Variants in SLC38A4 observed in about 807,000 individuals in gnomAD.
SLC38A4 encodes sodium-coupled neutral amino acid transporter 4.
SLC38A4 carries 20 observed loss-of-function variants against 63.1 expected under a neutral mutation model. The ratio of observed to expected loss-of-function variants is 0.32; its 90% CI spans 0.22 to 0.46. SLC38A4 has a LOEUF of 0.46. SLC38A4 is among the 20% of genes least tolerant of loss of function. The pLI, the probability that SLC38A4 is intolerant of heterozygous loss-of-function variation, is 1.00. For missense variants in SLC38A4, 526 were observed against 663.6 expected (o/e 0.79, Z 2.28); for synonymous variants, 230 against 225.5 (o/e 1.02, Z -0.18).
intron 1 of SLC38A4, among the ~76,000 whole-genome samples, chr12:46,805,600 C>T (rs1204227511): frequency 6.6e-6 from 1 of 152,034 alleles, no homozygotes; most frequent in East Asian, 1.9e-4. Context: ...AATCATACCA[C>T]AATGTAATCT....
Position 46,778,294 on chromosome 12 carries a change from A to C in SLC38A4, c.1068T>G (p.Leu356=). The change falls in exon 12 of 17, where the codon CTT becomes CTG. Residue 356 remains leucine, a synonymous_variant. Coordinates refer to ENST00000266579, the MANE Select transcript of SLC38A4 (RefSeq NM_018018.5). ...TAAAATGATGGCTGCCTTACTCTTT[A>C]AGTTCACTGTAGATGGGAAGGACCT... ...HPEVLPIYSE[L]KDRSRRKMQT... The C allele has an allele frequency of 6.2e-7, 1 of 1,612,360 alleles. No homozygotes were observed. The highest frequency in any genetic ancestry group is 8.5e-7 in the Non-Finnish European group (1 of 1,178,888).
intron 5 of SLC38A4, among the ~76,000 whole-genome samples, chr12:46,785,890 T>C (rs868498933): frequency 1.3e-5 from 2 of 151,910 alleles, no homozygotes; most frequent in South Asian, 4.2e-4. Context: ...TAGAAGCATC[T>C]ACGTAATAAA....
chr12:46,807,150 A>G (rs1368825498), intron 1 of SLC38A4, among the ~76,000 whole-genome samples: 1 of 152,060 alleles, frequency 6.6e-6, no homozygotes, highest in Non-Finnish European at 1.5e-5. Context: ...AAATTGGAAG[A>G]AGACATTTAG....
chr12:46,782,083 A>T (rs12307687), intron 7 of SLC38A4, among the ~76,000 whole-genome samples: 13,312 of 151,932 alleles, frequency 0.088, 1,541 homozygotes, highest in African/African-American at 0.25. Context: ...ACATATAAAA[A>T]TTTTTTTAAC....
chr12:46,768,054 G>T (rs1370975909), intron 16 of SLC38A4, among the ~76,000 whole-genome samples: 1 of 152,110 alleles, frequency 6.6e-6, no homozygotes, highest in South Asian at 2.1e-4. Flanking sequence ...TTTGCCTGAA[G>T]CATATGTGTC....
At chr12:46,793,883 A>T (rs1938946357) in intron 2 of SLC38A4, among the ~76,000 whole-genome samples, 1 of 152,142 alleles carries the variant, frequency 6.6e-6, no homozygotes, top group African/African-American at 2.4e-5. Flanking sequence ...AATTCATTGG[A>T]TCTCAGCAGA....
Position 46,764,924 on chromosome 12 carries a change from C to T in SLC38A4, c.*1777G>A, listed in dbSNP as rs1938265604. ...TCAGCACAAGCTATCATATGTATGTCTGCCCTGCAGTATATATGAATTTTA... is the reference window on the plus strand; with the variant it reads ...TCAGCACAAGCTATCATATGTATGTTTGCCCTGCAGTATATATGAATTTTA... On this transcript the variant is annotated 3_prime_UTR_variant, in exon 17 of 17. Coordinates refer to ENST00000266579, the MANE Select transcript of SLC38A4 (RefSeq NM_018018.5). 1 of 152,578 alleles carries T rather than the reference C, an allele frequency of 6.6e-6. No homozygotes were observed. Among genetic ancestry groups the T allele is most frequent in the South Asian group, 2.1e-4 (1 of 4,830 alleles). 9.5% of individuals were successfully genotyped at this position (152,578 alleles called of 1,614,324 possible). A position where few individuals can be genotyped will look rare whatever the true frequency, so the allele number is the denominator to read the frequency against.
chr12:46,830,296 T>TCACACACACA (rs1383380116), upstream of SLC38A4, among the ~76,000 whole-genome samples: 10 of 118,970 alleles, frequency 8.4e-5, no homozygotes, highest in Non-Finnish European at 1.3e-4. Flanking sequence ...TCTCTCTCTC[T>TCACACACACA]CTCACACACA....
intron 1 of SLC38A4, among the ~76,000 whole-genome samples, chr12:46,825,341 T>C (rs1939627548): frequency 7.2e-6 from 1 of 138,382 alleles, no homozygotes; most frequent in African/African-American, 3.1e-5. Context: ...TCCTTACAGA[T>C]GCCTCTGTAC....
chr12:46,799,515 T>G (rs1328860097), intron 2 of SLC38A4, among the ~76,000 whole-genome samples: 1 of 151,900 alleles, frequency 6.6e-6, no homozygotes, highest in African/African-American at 2.4e-5. Flanking sequence ...GGAGAATGGT[T>G]TGAACCCGGG....
chr12:46,780,132 C>A (rs1704832723), intron 7 of SLC38A4, 102 bp from the exon 8 acceptor site: 2 of 866,484 alleles, frequency 2.3e-6, no homozygotes, highest in Admixed American at 2.1e-5. Context: ...TCTAATCCCC[C>A]AAATGGAAAA....
chr12:46,825,020 A>G (rs1359985682), intron 1 of SLC38A4, among the ~76,000 whole-genome samples: 2 of 150,148 alleles, frequency 1.3e-5, no homozygotes, highest in African/African-American at 4.9e-5. Flanking sequence ...GCAAATATAT[A>G]ATTACTTTAA....
chr12:46,829,580 T>C (rs1338887851), upstream of SLC38A4, among the ~76,000 whole-genome samples: 1 of 152,178 alleles, frequency 6.6e-6, no homozygotes. Context: ...CCTCACCACG[T>C]TTGTGCTGAT....
chr12:46,766,734 C>G lies in SLC38A4; in HGVS notation c.1611G>C (p.Trp537Cys), dbSNP rs1938308708. ...GCTTGGAATTTGGAGGATCATAAAT[C>G]CAGTCAATTATAATGAGTGCCATGC... is the stretch of plus-strand genomic sequence containing the variant. ...IGSMALIIIDWIYDPPNSKHH is the reference protein window; with the variant it reads ...IGSMALIIIDCIYDPPNSKHH Residue 537 changes from tryptophan to cysteine, a missense_variant, in exon 17 of 17, where the codon TGG becomes TGC. Coordinates refer to ENST00000266579, the MANE Select transcript of SLC38A4 (RefSeq NM_018018.5). 1 of 1,611,742 alleles carries G rather than the reference C, an allele frequency of 6.2e-7. No homozygotes were observed.
rs900234397 is a variant in SLC38A4, at chr12:46,765,366, T to C, written c.*1335A>G. 2 of 264,850 alleles carry C rather than the reference T, an allele frequency of 7.6e-6. No individual in the cohort carries two copies. Among genetic ancestry groups the C allele is most frequent in the African/African-American group, 4.7e-5 (2 of 42,384 alleles). The allele number at this position is 264,850 out of a possible 1,614,324, so 16.4% of individuals were successfully genotyped here. On this transcript the variant is annotated 3_prime_UTR_variant, in exon 17 of 17. Transcript: ENST00000266579. ...GAGAACCACTCAACACTGTATTAAA[T>C]GGCCAATGAATGTCAGCAAACACCT...
At chr12:46,823,216 G>T (rs1341561313) in intron 1 of SLC38A4, among the ~76,000 whole-genome samples, 1 of 151,900 alleles carries the variant, frequency 6.6e-6, no homozygotes, top group Non-Finnish European at 1.5e-5. Flanking sequence ...AAATTCAGTG[G>T]GTCTTTTGTT....
At chr12:46,830,473 T>C (rs1939716789), upstream of SLC38A4, among the ~76,000 whole-genome samples, 1 of 152,150 alleles carries the variant, frequency 6.6e-6, no homozygotes, top group Non-Finnish European at 1.5e-5. Flanking sequence ...GATCTATGTG[T>C]AGGATGCTCT....
intron 12 of SLC38A4, 103 bp from the exon 13 acceptor site, chr12:46,777,107 C>A: frequency 3.5e-6 from 3 of 859,068 alleles, no homozygotes; most frequent in South Asian, 1.8e-5. Flanking sequence ...TATTGCTCAT[C>A]ATGAAGACAT....
chr12:46,792,788 A>T (rs1369180345), intron 3 of SLC38A4, among the ~76,000 whole-genome samples, 165 bp downstream of exon 3: 1 of 152,184 alleles, frequency 6.6e-6, no homozygotes, highest in Non-Finnish European at 1.5e-5. Flanking sequence ...AGAGATTGAC[A>T]TTATCACTGT....
Sources: allele counts gnomAD v4.1 joint callset (sites outside exome capture counted in the v4.1 genomes callset), GRCh38; gene constraint gnomAD v4.1.1; transcripts MANE v1.5; gene names NCBI Gene and HGNC (gene_info 2026-07-23, HGNC 2026-07-21).